The following SP140 variants were observed in gnomAD, a reference collection of about 807,000 sequenced individuals.
SP140 encodes SP140 nuclear body protein, also known as nuclear body protein SP140.
A neutral mutation model predicts 125.0 loss-of-function variants in SP140; 81 were observed. The observed-to-expected ratio is 0.65, with a 90% CI of 0.54 to 0.78. The LOEUF is 0.78. Among genes scored for constraint, SP140 ranks in the 30% least tolerant of loss-of-function variants. SP140 has a pLI of 0.00. For missense variants in SP140, 858 were observed against 1,037.0 expected (o/e 0.83, Z 2.37); for synonymous variants, 312 against 354.0 (o/e 0.88, Z 1.33).
chr2:230,244,847 G>T, intron 5 of SP140, 141 bp from the exon 6 acceptor site: 1 of 579,670 alleles, frequency 1.7e-6, no homozygotes. Context: ...GGCAGAGCAA[G>T]GCTGTGGCGG....
intron 1 of SP140, among the ~76,000 whole-genome samples, chr2:230,203,937 G>A (rs2043470613): frequency 6.6e-6 from 1 of 152,158 alleles, no homozygotes; most frequent in Non-Finnish European, 1.5e-5. Context: ...GCACAACATT[G>A]TGAATGTATT....
intron 1 of SP140, among the ~76,000 whole-genome samples, chr2:230,233,822 C>T (rs1031669897): frequency 6.6e-6 from 1 of 152,108 alleles, no homozygotes; most frequent in Non-Finnish European, 1.5e-5. Flanking sequence ...GCATTCAATC[C>T]GTTGTGACAT....
At chr2:230,252,230 G>A (rs1440136031) in intron 10 of SP140, among the ~76,000 whole-genome samples, 1 of 151,914 alleles carries the variant, frequency 6.6e-6, no homozygotes, top group African/African-American at 2.4e-5. Context: ...AGCAGATGTA[G>A]CATATCACTG....
At chr2:230,241,815 T>G (rs565415885) in intron 4 of SP140, among the ~76,000 whole-genome samples, 3 of 152,310 alleles carry the variant, frequency 2.0e-5, no homozygotes. Flanking sequence ...CCTCCGAGGT[T>G]GAGATAAGGG....
chr2:230,228,962 T>A (rs879929861), intron 1 of SP140, among the ~76,000 whole-genome samples: 1 of 152,184 alleles, frequency 6.6e-6, no homozygotes, highest in African/African-American at 2.4e-5. Context: ...ATCGTTTTTA[T>A]CTTTTCTTCC....
downstream of SP140, among the ~76,000 whole-genome samples, chr2:230,314,215 A>T (rs2059464808): frequency 6.6e-6 from 1 of 152,152 alleles, no homozygotes; most frequent in Non-Finnish European, 1.5e-5. Flanking sequence ...GCCTACAGAA[A>T]AATCCTCTTT....
intron 22 of SP140, among the ~76,000 whole-genome samples, chr2:230,307,524 G>C (rs1355808568): frequency 6.6e-6 from 1 of 152,230 alleles, no homozygotes; most frequent in Non-Finnish European, 1.5e-5. Flanking sequence ...GCTTCTAGGT[G>C]CCAGCACATC....
upstream of SP140, among the ~76,000 whole-genome samples, chr2:230,223,331 A>T (rs1251863614): frequency 6.6e-6 from 1 of 152,166 alleles, no homozygotes; most frequent in South Asian, 2.1e-4. Flanking sequence ...CACCATGCCC[A>T]GCCCAGTCTG....
chr2:230,294,344 C>T (rs1353630569), intron 21 of SP140, 26 bp downstream of exon 21: 1 of 1,544,874 alleles, frequency 6.5e-7, no homozygotes, highest in Admixed American at 1.7e-5. Context: ...CTTTATACAG[C>T]TTCTTGTCAC....
At position 230,225,762 on chromosome 2, in the gene SP140, G is replaced by T; in HGVS notation, c.-83G>T. 8.8e-7 allele frequency: 1 copy of T among 1,137,976 alleles called. No individual in the cohort carries two copies. The highest frequency in any genetic ancestry group is 2.3e-5 in the East Asian group (1 of 42,714). 70.5% of individuals were successfully genotyped at this position (1,137,976 alleles called of 1,614,324 possible). A position where few individuals can be genotyped will look rare whatever the true frequency, so the allele number is the denominator to read the frequency against. On this transcript the variant is annotated 5_prime_UTR_variant, in exon 1 of 27. Coordinates refer to ENST00000392045, the MANE Select transcript of SP140 (RefSeq NM_007237.5). ...TTTTCCTCTTTGACTGAGCACCGAG[G>T]GGCAGTTGGCAGCTTCACCTCAGAG...
the SP140 span, among the ~76,000 whole-genome samples, chr2:230,186,442 C>A: frequency 1.3e-5 from 2 of 152,190 alleles, no homozygotes; most frequent in African/African-American, 4.8e-5. Context: ...ACCTTACACT[C>A]CACTGCTGAA....
At position 230,206,595 on chromosome 2, in the gene SP140, TTATA is replaced by T. The variant is rs56817002; in HGVS notation, c.-323+3356_-323+3359del. On this transcript the variant is annotated intron_variant, in intron 1 of 4. Coordinates refer to the SP140 transcript ENST00000456542. ...TATTATATATTATCTGGTCCAGATTTTATATATATATATATATATATATATATAT... is the reference window on the plus strand; with the variant it reads ...TATTATATATTATCTGGTCCAGATTTTATATATATATATATATATATATAT... Among the ~76,000 whole-genome samples, 376 of 70,480 alleles carry T rather than the reference TTATA, an allele frequency of 5.3e-3. 3 individuals are homozygous for T. Among genetic ancestry groups the T allele is most frequent in the East Asian group, 0.013 (16 of 1,244 alleles). The allele number at this position is 70,480 out of a possible 152,430, so 46.2% of individuals were successfully genotyped here.
chr2:230,300,559 A>G (rs1575320413), intron 22 of SP140, among the ~76,000 whole-genome samples: 2 of 152,004 alleles, frequency 1.3e-5, no homozygotes, highest in East Asian at 3.9e-4. Context: ...AATAACAATC[A>G]CAGCAGTTTG....
intron 22 of SP140, among the ~76,000 whole-genome samples, chr2:230,302,237 A>G (rs553270647): frequency 3.3e-5 from 5 of 151,990 alleles, no homozygotes; most frequent in South Asian, 2.1e-4. Flanking sequence ...TACAAAAAAA[A>G]AAAAAAATTA....
chr2:230,245,811 A>T (rs1433293434), intron 6 of SP140, 52 bp from the exon 7 acceptor site: 4 of 1,119,186 alleles, frequency 3.6e-6, no homozygotes, highest in Non-Finnish European at 5.5e-6. Flanking sequence ...GGATCCAGGT[A>T]GGTGTCCAGG....
chr2:230,305,632 G>A (rs1471692913), intron 22 of SP140, among the ~76,000 whole-genome samples: 3 of 152,242 alleles, frequency 2.0e-5, no homozygotes, highest in Non-Finnish European at 2.9e-5. Context: ...GATGGAGCTG[G>A]GCCAGTGGTG....
At chr2:230,195,477 G>C in the SP140 span, among the ~76,000 whole-genome samples, 1 of 152,080 alleles carries the variant, frequency 6.6e-6, no homozygotes, top group South Asian at 2.1e-4. Flanking sequence ...TGGCATAACA[G>C]GTATGCACCC....
At chr2:230,188,875 TCTCA>T in the SP140 span, among the ~76,000 whole-genome samples, 3 of 152,054 alleles carry the variant, frequency 2.0e-5, no homozygotes, top group Non-Finnish European at 2.9e-5. Context: ...CTGGATTCAA[TCTCA>T]CTGTTTGTTA....
chr2:230,277,238 C>A (rs1041047681), intron 15 of SP140, among the ~76,000 whole-genome samples: 5 of 152,136 alleles, frequency 3.3e-5, no homozygotes, highest in African/African-American at 4.8e-5. Flanking sequence ...TCCACAGACA[C>A]CTCAGCCTTC....
Sources: allele counts gnomAD v4.1 joint callset (sites outside exome capture counted in the v4.1 genomes callset), GRCh38; gene constraint gnomAD v4.1.1; transcripts MANE v1.5; gene names NCBI Gene and HGNC (gene_info 2026-07-23, HGNC 2026-07-21).